Variants in AP3B1 observed in about 807,000 individuals in gnomAD.
The protein encoded by AP3B1 is AP-3 complex subunit beta-1.
AP3B1 carries 61 observed loss-of-function variants against 132.5 expected under a neutral mutation model. The observed-to-expected ratio is 0.46, with a 90% CI of 0.37 to 0.57. AP3B1 has a LOEUF of 0.57. Ranked by LOEUF, AP3B1 falls within the 20% of genes least tolerant of loss-of-function variation. The probability of loss-of-function intolerance (pLI) is 0.00; values close to 1 mark genes in which losing one functional copy is unlikely to be tolerated. For missense variants in AP3B1, 1,120 were observed against 1,289.4 expected (o/e 0.87, Z 2.01); for synonymous variants, 388 against 438.3 (o/e 0.89, Z 1.43).
intron 2 of AP3B1, among the ~76,000 whole-genome samples, chr5:78,258,750 G>A (rs186594575): frequency 6.6e-6 from 1 of 152,278 alleles, no homozygotes; most frequent in African/African-American, 2.4e-5. Flanking sequence ...TCCAATGCTC[G>A]CTGCAGCACT....
chr5:78,038,424 T>C (rs1233052675), intron 23 of AP3B1, among the ~76,000 whole-genome samples: 3 of 152,104 alleles, frequency 2.0e-5, no homozygotes, highest in Admixed American at 1.3e-4. Context: ...ACACATAAAA[T>C]ACACTAACCC....
chr5:78,288,101 T>A (rs1749359163), intron 1 of AP3B1, among the ~76,000 whole-genome samples: 2 of 152,240 alleles, frequency 1.3e-5, no homozygotes, highest in Non-Finnish European at 2.9e-5. Flanking sequence ...CGTCTCAAAC[T>A]AAAATGTCCT....
At chr5:78,164,458 T>TA (rs748388969) in intron 12 of AP3B1, among the ~76,000 whole-genome samples, 64 of 151,938 alleles carry the variant, frequency 4.2e-4, no homozygotes, top group Non-Finnish European at 5.0e-4. Context: ...GGAGACTTGA[T>TA]ATAAGCAAAA....
At chr5:78,229,723 G>C (rs936641717) in intron 3 of AP3B1, among the ~76,000 whole-genome samples, 3 of 151,820 alleles carry the variant, frequency 2.0e-5, no homozygotes, top group African/African-American at 7.3e-5. Flanking sequence ...TGGGCAACTG[G>C]AAAGAGACTC....
chr5:78,193,740 T>TATATCTATATATATCTA, intron 7 of AP3B1, among the ~76,000 whole-genome samples: 1 of 41,710 alleles, frequency 2.4e-5, no homozygotes, highest in East Asian at 3.0e-4. Context: ...TTGTATATAT[T>TATATCTATATATATCTA]TTTTTATATA....
chr5:78,081,539 C>A (rs1205679572), intron 22 of AP3B1, among the ~76,000 whole-genome samples: 2 of 151,920 alleles, frequency 1.3e-5, no homozygotes, highest in East Asian at 3.9e-4. Context: ...CCTCGTGATC[C>A]GCCCGCCTCG....
intron 22 of AP3B1, among the ~76,000 whole-genome samples, chr5:78,076,155 T>C (rs1440640674): frequency 6.6e-6 from 1 of 152,218 alleles, no homozygotes; most frequent in Non-Finnish European, 1.5e-5. Flanking sequence ...TATCTACGGA[T>C]ACTTCCAAAT....
chr5:78,006,817 T>C (rs182533930), intron 26 of AP3B1, among the ~76,000 whole-genome samples: 219 of 152,364 alleles, frequency 1.4e-3, no homozygotes, highest in African/African-American at 5.0e-3. Flanking sequence ...ACTGTTTGGC[T>C]ATATCTGTAT....
chr5:78,044,396 T>C (rs1748232076), intron 22 of AP3B1, among the ~76,000 whole-genome samples: 1 of 152,254 alleles, frequency 6.6e-6, no homozygotes, highest in African/African-American at 2.4e-5. Context: ...ATAAGCATAT[T>C]AGAGACAGTG....
chr5:78,051,180 C>T (rs1192888923), intron 22 of AP3B1, among the ~76,000 whole-genome samples: 8 of 152,112 alleles, frequency 5.3e-5, no homozygotes, highest in African/African-American at 1.9e-4. Context: ...TAACTGTCTA[C>T]TTAGCGCTTA....
chr5:78,265,973 AAAGAGGCAACAC>A (rs1393774458), intron 2 of AP3B1, among the ~76,000 whole-genome samples: 1 of 152,222 alleles, frequency 6.6e-6, no homozygotes, highest in Non-Finnish European at 1.5e-5. Context: ...ACTGGGAGAC[AAAGAGGCAACAC>A]AACTACATGC....
chr5:78,186,873 C>T (rs1022822006), intron 7 of AP3B1, among the ~76,000 whole-genome samples: 2 of 152,096 alleles, frequency 1.3e-5, no homozygotes, highest in African/African-American at 4.8e-5. Context: ...CTGGAAAACA[C>T]CTTTCATCAA....
At position 78,228,170 on chromosome 5, in the gene AP3B1, T is replaced by C. The variant is rs765022326; in HGVS notation, c.349A>G (p.Ile117Val). ...EEQQDLALLS[I>V]STFQRALKDP... Reference sequence around the variant, plus strand: ...TTCAGAGCTCGCTGAAAAGTGCTTATGGACAGGAGTGCAAGATCCTGCTGT... The same window carrying C: ...TTCAGAGCTCGCTGAAAAGTGCTTACGGACAGGAGTGCAAGATCCTGCTGT... The change falls in exon 4 of 27, where the codon ATA becomes GTA. Residue 117 changes from isoleucine to valine, a missense_variant. Physicochemically the swap from Ile to Val is conservative, Grantham distance 29. This residue lies in a region of AP3B1 where 129 missense variants were observed against 212.4 expected (regional missense o/e 0.61). Transcript: ENST00000255194. 5.0e-6 allele frequency: 8 copies of C among 1,609,382 alleles called. No homozygotes were observed. Among genetic ancestry groups the C allele is most frequent in the Non-Finnish European group, 6.8e-6 (8 of 1,178,508 alleles).
At chr5:78,222,689 A>G (rs1267353591) in intron 6 of AP3B1, among the ~76,000 whole-genome samples, 1 of 152,204 alleles carries the variant, frequency 6.6e-6, no homozygotes, top group Non-Finnish European at 1.5e-5. Context: ...AGAAGAATTC[A>G]GTAAAAAAGC....
At chr5:78,020,623 G>T in intron 25 of AP3B1, 69 bp downstream of exon 25, 1 of 1,247,996 alleles carries the variant, frequency 8.0e-7, no homozygotes, top group South Asian at 1.2e-5. Flanking sequence ...ATTTATTTTA[G>T]AGACTGTACA....
chr5:78,156,534 C>A (rs1302287305), intron 13 of AP3B1, among the ~76,000 whole-genome samples, 167 bp from the exon 14 acceptor site: 1 of 152,140 alleles, frequency 6.6e-6, no homozygotes, highest in Non-Finnish European at 1.5e-5. Flanking sequence ...GAGGTGTGAA[C>A]AACTGTCTTA....
At chr5:78,051,137 A>G (rs1355193263) in intron 22 of AP3B1, among the ~76,000 whole-genome samples, 1 of 152,210 alleles carries the variant, frequency 6.6e-6, no homozygotes, top group Non-Finnish European at 1.5e-5. Flanking sequence ...AGTTTATTAC[A>G]GTAAGCAAAT....
At position 78,112,025 on chromosome 5, in the gene AP3B1, A is replaced by G. The variant is rs1751613708; in HGVS notation, c.2250-1671T>C. On this transcript the variant is annotated intron_variant, in intron 19 of 26. Transcript: ENST00000255194. ...AAATGAAAATACCTTGGAGTGTAAA[A>G]TTTAAATTTGGTCATAAATATTTAT... Among the ~76,000 whole-genome samples, 3 of 152,160 alleles carry G rather than the reference A, an allele frequency of 2.0e-5. No individual in the cohort carries two copies. In the South Asian group the frequency reaches 6.2e-4, roughly 32 times the overall value.
intron 22 of AP3B1, chr5:78,043,836 A>G: frequency 2.7e-6 from 1 of 365,046 alleles, no homozygotes; most frequent in Non-Finnish European, 5.4e-6. Flanking sequence ...CAGGGAATAC[A>G]CCCTGACTTT....
Sources: allele counts gnomAD v4.1 joint callset (sites outside exome capture counted in the v4.1 genomes callset), GRCh38; gene constraint gnomAD v4.1.1; regional missense constraint gnomAD v4.1.1; transcripts MANE v1.5; gene names NCBI Gene and HGNC (gene_info 2026-07-23, HGNC 2026-07-21).